The following ZNF678 variants were observed in gnomAD, a reference collection of about 807,000 sequenced individuals.
ZNF678 encodes zinc finger protein 678.
In ZNF678, 5 loss-of-function variants were observed where a neutral mutation model predicts 3.0. The ratio of observed to expected loss-of-function variants is 1.69; its 90% confidence interval spans 0.88 to 3.56. The LOEUF (loss-of-function observed/expected upper bound fraction) is 3.56. ZNF678 is among the 30% of genes most tolerant of loss of function. The pLI, the probability that ZNF678 is intolerant of heterozygous loss-of-function variation, is 0.00. For synonymous variants in ZNF678, 218 were observed against 199.6 expected, an observed-to-expected ratio of 1.09 and a Z score of -0.78; for missense variants, 593 against 605.0, an observed-to-expected ratio of 0.98 and a Z score of 0.21.
chr1:227,641,759 C>CAAA (rs71732048), intron 1 of ZNF678, among the ~76,000 whole-genome samples: 1 of 145,780 alleles, frequency 6.9e-6, no homozygotes. Context: ...CATATTTCTA[C>CAAA]AAAAAAAAAA....
At chr1:227,668,526 G>A (rs1659546162) in intron 5 of ZNF678, among the ~76,000 whole-genome samples, 1 of 152,098 alleles carries the variant, frequency 6.6e-6, no homozygotes, top group African/African-American at 2.4e-5. Flanking sequence ...TCTGATTCAT[G>A]GCTGGTCTCT....
chr1:227,643,585 A>G (rs746706279), intron 1 of ZNF678, among the ~76,000 whole-genome samples: 21 of 152,264 alleles, frequency 1.4e-4, no homozygotes, highest in Non-Finnish European at 2.2e-4. Context: ...GCTGGTACCC[A>G]CAATTTTCCC....
In ZNF678 at chr1:227,654,401, G is replaced by A; in HGVS notation, c.151G>A (p.Val51Met). The A allele has an allele frequency of 1.2e-6, 2 of 1,608,158 alleles. No individual in the cohort carries two copies. The highest frequency in any genetic ancestry group is 1.7e-5 in the Admixed American group (1 of 58,978). The stretch of plus-strand genomic sequence containing the variant: ...GGATATGAAAGATTTATGCCAAAAA[G>A]TGACACTGACAAGACATAGAAGCTG... ...EQDMKDLCQKVTLTRHRSWGL... is the reference protein window; with the variant it reads ...EQDMKDLCQKMTLTRHRSWGL... The change falls in exon 4 of 4, where the codon GTG becomes ATG. Residue 51 changes from valine (V) to methionine (M), a missense_variant. Val to Met is a conservative substitution (Grantham distance 21). Coordinates refer to ENST00000343776, the MANE Select transcript of ZNF678 (RefSeq NM_001367909.1).
intron 1 of ZNF678, among the ~76,000 whole-genome samples, chr1:227,588,900 C>CT (rs34957575): frequency 1.2e-4 from 18 of 147,378 alleles, no homozygotes; most frequent in South Asian, 2.1e-4. Context: ...TGATGTTAAG[C>CT]TTTTTTTTTT....
intron 1 of ZNF678, among the ~76,000 whole-genome samples, chr1:227,587,149 G>A (rs1219721432): frequency 2.6e-5 from 4 of 152,274 alleles, no homozygotes; most frequent in Admixed American, 2.6e-4. Flanking sequence ...TGTCTTACTT[G>A]TGTGTGATGT....
Position 227,657,625 on chromosome 1 carries a change from C to T in ZNF678, c.*1797C>T, listed in dbSNP as rs944412532. 6.6e-6 allele frequency: 1 copy of T among 151,828 alleles called. No individual in the cohort carries two copies. The highest frequency in any genetic ancestry group is 1.5e-5 in the Non-Finnish European group (1 of 67,862). The allele number at this position is 151,828 out of a possible 1,614,324, so 9.4% of individuals were successfully genotyped here. A position where few individuals can be genotyped will look rare whatever the true frequency, so the allele number is the denominator to read the frequency against. On this transcript the variant is annotated 3_prime_UTR_variant, in exon 4 of 4. Transcript: ENST00000343776. The stretch of plus-strand genomic sequence containing the variant: ...CTGTGACCCCTCTGGCCTGTAAAAA[C>T]ACATACATACATTTAGTTTTGATTA...
rs1659364157 is a variant in ZNF678 at position 227,660,173 on chromosome 1, A to G, written c.*4345A>G. ...ATGCCAGTATTGGACTGTTTCAGTT[A>G]CTGTAGCTTTGCAGTATATTTGACT... is the stretch of plus-strand genomic sequence containing the variant. On this transcript the variant is annotated 3_prime_UTR_variant, in exon 4 of 4. Transcript: ENST00000343776. 6.6e-6 allele frequency: 1 copy of G among 151,746 alleles called. No homozygotes were observed. The highest frequency in any genetic ancestry group is 6.6e-5 in the Admixed American group (1 of 15,216). 9.4% of individuals were successfully genotyped at this position (151,746 alleles called of 1,614,324 possible).
At chr1:227,668,313 A>C (rs1244604106) in intron 5 of ZNF678, among the ~76,000 whole-genome samples, 2 of 152,234 alleles carry the variant, frequency 1.3e-5, no homozygotes, top group African/African-American at 2.4e-5. Flanking sequence ...GTTGAATTAA[A>C]ACTAGTATCA....
At chr1:227,628,322 G>A (rs1024453906) in intron 1 of ZNF678, among the ~76,000 whole-genome samples, 2 of 152,180 alleles carry the variant, frequency 1.3e-5, no homozygotes, top group African/African-American at 4.8e-5. Context: ...ATAAAGAAAA[G>A]TCTTGCTCCA....
intron 1 of ZNF678, among the ~76,000 whole-genome samples, chr1:227,627,430 C>T (rs1329034653): frequency 2.6e-5 from 4 of 151,994 alleles, no homozygotes; most frequent in African/African-American, 4.8e-5. Context: ...ATGGAGGGTC[C>T]CGCCTTGCAG....
downstream of ZNF678, among the ~76,000 whole-genome samples, chr1:227,677,922 A>C (rs1257871171): frequency 6.6e-6 from 1 of 152,162 alleles, no homozygotes; most frequent in Non-Finnish European, 1.5e-5. Flanking sequence ...TATACTCATC[A>C]CCATTGACAA....
At position 227,657,668 on chromosome 1, in the gene ZNF678, T is replaced by A. The variant is rs1009744294; in HGVS notation, c.*1840T>A. On this transcript the variant is annotated 3_prime_UTR_variant, in exon 4 of 4. Transcript: ENST00000343776. ...TTTGATTAACATGGAGTTAATTTTATAAGTCTGTCACTCTAAACATAAGTG... is the reference window on the plus strand; with the variant it reads ...TTTGATTAACATGGAGTTAATTTTAAAAGTCTGTCACTCTAAACATAAGTG... 2.0e-5 allele frequency: 3 copies of A among 152,028 alleles called. No homozygotes were observed. The highest frequency in any genetic ancestry group is 7.2e-5 in the African/African-American group (3 of 41,430). The allele number at this position is 152,028 out of a possible 1,614,324, so 9.4% of individuals were successfully genotyped here.
chr1:227,598,488 T>G, intron 1 of ZNF678: 1 of 1,380,638 alleles, frequency 7.2e-7, no homozygotes, highest in South Asian at 1.4e-5. Flanking sequence ...CTTATGCTTC[T>G]TTTTCTTTTT....
chr1:227,619,993 A>G (rs1428430758), intron 1 of ZNF678, among the ~76,000 whole-genome samples: 1 of 152,152 alleles, frequency 6.6e-6, no homozygotes, highest in Admixed American at 6.5e-5. Flanking sequence ...AAAATAAATA[A>G]ATCACAGGTC....
chr1:227,677,095 A>C (rs1320545824), intron 5 of ZNF678: 16 of 152,188 alleles, frequency 1.1e-4, no homozygotes, highest in Non-Finnish European at 5.9e-5. Flanking sequence ...AGGAATCGCC[A>C]CACTGACTTC....
At chr1:227,616,965 G>A (rs1379071224) in intron 1 of ZNF678, among the ~76,000 whole-genome samples, 1 of 152,206 alleles carries the variant, frequency 6.6e-6, no homozygotes, top group Non-Finnish European at 1.5e-5. Flanking sequence ...AAGGTGCTCT[G>A]CCACTTGGGC....
chr1:227,626,755 T>C (rs780479973), intron 1 of ZNF678, among the ~76,000 whole-genome samples: 8 of 152,038 alleles, frequency 5.3e-5, no homozygotes, highest in Admixed American at 1.3e-4. Context: ...TTCTCAACTT[T>C]CCTGAGGATT....
intron 3 of ZNF678, 127 bp from the exon 4 acceptor site, chr1:227,654,209 C>A: frequency 2.6e-6 from 2 of 755,152 alleles, no homozygotes; most frequent in Non-Finnish European, 3.9e-6. Flanking sequence ...AAAAAGGAAT[C>A]ATGGCATGTG....
intron 3 of ZNF678, among the ~76,000 whole-genome samples, chr1:227,652,957 T>G (rs1196733520): frequency 6.6e-6 from 1 of 152,156 alleles, no homozygotes; most frequent in Non-Finnish European, 1.5e-5. Flanking sequence ...ACTGGTGATG[T>G]AGTTTTTCTG....
Sources: gnomAD v4.1 joint callset for allele counts (sites outside exome capture counted in the v4.1 genomes callset) on GRCh38, gnomAD v4.1.1 for gene constraint, MANE v1.5 for transcripts, NCBI Gene and HGNC (gene_info 2026-07-23, HGNC 2026-07-21) for gene names.